SAMSN1: variants seen among roughly 807,000 people sequenced by gnomAD.
The protein encoded by SAMSN1 is SAM domain-containing protein SAMSN-1.
A neutral mutation model predicts 42.0 loss-of-function variants in SAMSN1; 31 were observed. That is an observed-to-expected ratio of 0.74 (90% CI 0.55 to 1.00). SAMSN1 has a LOEUF of 1.00. Among genes scored for constraint, SAMSN1 ranks in the 50% least tolerant of loss-of-function variants. SAMSN1 has a pLI of 0.00. For missense variants in SAMSN1, 464 were observed against 439.4 expected, an observed-to-expected ratio of 1.06 and a Z score of -0.50; for synonymous variants, 178 against 151.9, an observed-to-expected ratio of 1.17 and a Z score of -1.26.
intron 2 of SAMSN1, among the ~76,000 whole-genome samples, chr21:14,570,204 C>T (rs948554331): frequency 4.6e-5 from 7 of 152,146 alleles, no homozygotes; most frequent in Admixed American, 2.6e-4. Flanking sequence ...AAAAAGTTCC[C>T]GCATTCTAGA....
chr21:14,487,622 C>A (rs1428289976), intron 7 of SAMSN1, among the ~76,000 whole-genome samples: 1 of 152,070 alleles, frequency 6.6e-6, no homozygotes, highest in Non-Finnish European at 1.5e-5. Flanking sequence ...TTGAGAAAGG[C>A]TGGAAGAAAA....
intron 2 of SAMSN1, among the ~76,000 whole-genome samples, chr21:14,559,528 G>T (rs145656528): frequency 6.6e-6 from 1 of 152,272 alleles, no homozygotes; most frequent in East Asian, 1.9e-4. Context: ...TCCAGAGAGT[G>T]GGGCTCTCTC....
At chr21:14,611,181 A>T (rs1330574027) in intron 4 of SAMSN1, among the ~76,000 whole-genome samples, 1 of 151,976 alleles carries the variant, frequency 6.6e-6, no homozygotes, top group African/African-American at 2.4e-5. Flanking sequence ...TAGATTCTCC[A>T]TCATTTCTAA....
intron 2 of SAMSN1, among the ~76,000 whole-genome samples, chr21:14,569,513 A>G (rs920365669): frequency 1.3e-5 from 2 of 152,068 alleles, no homozygotes; most frequent in Admixed American, 1.3e-4. Flanking sequence ...CTTTTTTGAT[A>G]GATTTTTTTC....
chr21:14,561,137 G>A (rs988968466), intron 2 of SAMSN1, among the ~76,000 whole-genome samples: 7 of 152,102 alleles, frequency 4.6e-5, no homozygotes, highest in African/African-American at 1.7e-4. Flanking sequence ...TTGGTTTTTT[G>A]AGGTATCTTT....
intron 1 of SAMSN1, among the ~76,000 whole-genome samples, chr21:14,654,120 A>G (rs1600986327): frequency 6.6e-6 from 1 of 152,144 alleles, no homozygotes; most frequent in East Asian, 1.9e-4. Context: ...CTTTTTTAAA[A>G]AGATATAATT....
intron 1 of SAMSN1, among the ~76,000 whole-genome samples, chr21:14,647,591 C>T (rs1435446112): frequency 7.2e-6 from 1 of 139,680 alleles, no homozygotes; most frequent in Non-Finnish European, 1.6e-5. Context: ...TGGCCATTTT[C>T]ACGATATTGA....
chr21:14,512,862 GTGTT>G, intron 3 of SAMSN1, among the ~76,000 whole-genome samples: 1 of 152,136 alleles, frequency 6.6e-6, no homozygotes, highest in Middle Eastern at 3.4e-3. Context: ...TTAATCAAAA[GTGTT>G]AGATTTATTG....
At position 14,570,199 on chromosome 21, in the gene SAMSN1, G is replaced by T. The variant is rs2178936; in HGVS notation, c.261+11937C>A. On this transcript the variant is annotated intron_variant, in intron 2 of 8. Transcript: ENST00000285670. ...TAAATCTCTCCACAGGGAGGAAAAA[G>T]TTCCCGCATTCTAGAGAGAGAATTT... is the stretch of plus-strand genomic sequence containing the variant. Among the ~76,000 whole-genome samples the T allele has an allele frequency of 1.2e-4, 18 of 152,080 alleles. 1 individual carries two copies. The East Asian group carries it at 3.1e-3, about 26-fold the overall frequency.
chr21:14,512,965 G>T (rs1987753777), intron 3 of SAMSN1, among the ~76,000 whole-genome samples: 1 of 152,054 alleles, frequency 6.6e-6, no homozygotes, highest in Admixed American at 6.6e-5. Flanking sequence ...ATTGAGATCT[G>T]ATCCTACAAG....
At chr21:14,541,098 A>C (rs531781119) in intron 1 of SAMSN1, among the ~76,000 whole-genome samples, 4 of 127,294 alleles carry the variant, frequency 3.1e-5, no homozygotes, top group Admixed American at 2.9e-4. Flanking sequence ...ATCTGGACAC[A>C]GGGCAGGGAA....
At chr21:14,540,833 T>C (rs959530498) in intron 1 of SAMSN1, among the ~76,000 whole-genome samples, 4 of 152,148 alleles carry the variant, frequency 2.6e-5, no homozygotes, top group Non-Finnish European at 2.9e-5. Context: ...CACATGCACA[T>C]GTATGTTTAT....
chr21:14,504,881 T>C (rs1987331198), intron 5 of SAMSN1, among the ~76,000 whole-genome samples: 1 of 152,196 alleles, frequency 6.6e-6, no homozygotes, highest in Non-Finnish European at 1.5e-5. Flanking sequence ...GGAAAACCTA[T>C]CAGATTAACA....
chr21:14,546,375 C>A, upstream of SAMSN1: 1 of 1,476,900 alleles, frequency 6.8e-7, no homozygotes, highest in Non-Finnish European at 9.0e-7. Flanking sequence ...AGCCCAGGGA[C>A]CTGCCACTTC....
intron 5 of SAMSN1, among the ~76,000 whole-genome samples, chr21:14,506,071 G>A (rs1987386444): frequency 6.6e-6 from 1 of 152,062 alleles, no homozygotes; most frequent in Admixed American, 6.6e-5. Flanking sequence ...ACACAGCAAA[G>A]GGGGTGCTAA....
At chr21:14,658,963 A>G, upstream of SAMSN1, 2 of 580,432 alleles carry the variant, frequency 3.4e-6, no homozygotes, top group South Asian at 4.4e-5. Flanking sequence ...ACAATTTCCT[A>G]AATTAATGAA....
chr21:14,627,745 C>G (rs1331166537), intron 2 of SAMSN1, among the ~76,000 whole-genome samples: 1 of 152,096 alleles, frequency 6.6e-6, no homozygotes, highest in Non-Finnish European at 1.5e-5. Flanking sequence ...TATGAGGATA[C>G]ACTAACATCA....
chr21:14,513,387 A>G (rs1168210444), intron 3 of SAMSN1, among the ~76,000 whole-genome samples: 6 of 152,178 alleles, frequency 3.9e-5, no homozygotes, highest in African/African-American at 1.4e-4. Context: ...GTCATTCAAC[A>G]CAATTTTATA....
chr21:14,503,022 G>A (rs183435594), intron 5 of SAMSN1, among the ~76,000 whole-genome samples: 14 of 152,166 alleles, frequency 9.2e-5, no homozygotes, highest in Middle Eastern at 6.8e-3. Context: ...TTCTTTTAGC[G>A]CAAAACCTTC....
Sources: gnomAD v4.1 joint callset for allele counts (sites outside exome capture counted in the v4.1 genomes callset) on GRCh38, gnomAD v4.1.1 for gene constraint, MANE v1.5 for transcripts, NCBI Gene and HGNC (gene_info 2026-07-23, HGNC 2026-07-21) for gene names.